Variants in FARSB observed in about 807,000 individuals in gnomAD.
FARSB encodes the protein phenylalanine--tRNA ligase beta subunit.
In FARSB, 40 loss-of-function variants were observed where a neutral mutation model predicts 69.6. That is an observed-to-expected ratio of 0.57 (90% CI 0.45 to 0.75). The LOEUF is 0.75. FARSB is among the 30% of genes least tolerant of loss of function. FARSB has a pLI of 0.00. For missense variants in FARSB, 632 were observed against 722.9 expected (o/e 0.87, Z 1.44); for synonymous variants, 235 against 247.2 (o/e 0.95, Z 0.46).
At chr2:222,608,570 GAACAAGAATCTTAAACATATATTGTGACT>G (rs1690765738) in intron 15 of FARSB, among the ~76,000 whole-genome samples, 1 of 151,880 alleles carries the variant, frequency 6.6e-6, no homozygotes, top group Non-Finnish European at 1.5e-5. Flanking sequence ...GAGGAGAAAG[GAACAAGAATCTTAAACATATATTGTGACT>G]AAAGTTTAAA....
intron 3 of FARSB, 30 bp downstream of exon 3, chr2:222,642,813 CCAACTTAG>C: frequency 1.3e-6 from 2 of 1,490,244 alleles, no homozygotes; most frequent in Non-Finnish European, 1.8e-6. Flanking sequence ...AAAAGAAAAC[CCAACTTAG>C]CAAAGTCTTT....
chr2:222,624,989 T>G (rs1314561937), intron 10 of FARSB, among the ~76,000 whole-genome samples: 1 of 152,216 alleles, frequency 6.6e-6, no homozygotes, highest in Non-Finnish European at 1.5e-5. Flanking sequence ...GCTAGACAGT[T>G]TGCACTGCCT....
At chr2:222,573,225 G>C (rs1016923446) in intron 16 of FARSB, among the ~76,000 whole-genome samples, 1 of 151,882 alleles carries the variant, frequency 6.6e-6, no homozygotes, top group African/African-American at 2.4e-5. Flanking sequence ...TATATTTCTG[G>C]GGAAAGAGCT....
chr2:222,629,024 T>G, intron 9 of FARSB, 136 bp from the exon 10 acceptor site: 1 of 649,720 alleles, frequency 1.5e-6, no homozygotes, highest in Non-Finnish European at 2.7e-6. Flanking sequence ...ATTCCAGCAC[T>G]GTTTGGATTG....
rs1363158413 is a variant in FARSB at position 222,572,010 on chromosome 2, A to G, written c.1631T>C (p.Phe544Ser). 6.2e-7 allele frequency: 1 copy of G among 1,610,820 alleles called. No homozygotes were observed. Among genetic ancestry groups the G allele is most frequent in the Non-Finnish European group, 8.5e-7 (1 of 1,179,180 alleles). Reference protein sequence around the residue: ...VIKASEGPAFFPGRCAEIFAR... With the variant: ...VIKASEGPAFSPGRCAEIFAR... ...AAAGATCTCTGCACATCGCCCGGGG[A>G]AGAAAGCAGGCCCTGAAAAAGAGAA... Residue 544 changes from phenylalanine to serine, a missense_variant, in exon 17 of 17, where the codon TTC becomes TCC. Phe to Ser is a radical substitution (Grantham distance 155). Transcript: ENST00000281828.
intron 16 of FARSB, among the ~76,000 whole-genome samples, chr2:222,593,604 G>A (rs780185158): frequency 4.0e-4 from 61 of 152,230 alleles, no homozygotes; most frequent in Non-Finnish European, 6.6e-4. Context: ...AAGACTAGGC[G>A]TGGTGGCTCA....
intron 13 of FARSB, among the ~76,000 whole-genome samples, chr2:222,622,450 T>C (rs1331570288): frequency 3.3e-5 from 5 of 152,234 alleles, no homozygotes. Context: ...AGAACTGTTA[T>C]GGTTTAATCT....
chr2:222,614,525 A>T lies in FARSB; in HGVS notation c.1345-597T>A, dbSNP rs183178428. ...TCATTTCACAAAGTAATTGAAATAGACTACAAGAAATACAAATGTTTAAAT... is the reference window on the plus strand; with the variant it reads ...TCATTTCACAAAGTAATTGAAATAGTCTACAAGAAATACAAATGTTTAAAT... On this transcript the variant is annotated intron_variant, in intron 14 of 16. Transcript: ENST00000281828. Among the ~76,000 whole-genome samples the T allele has an allele frequency of 2.0e-4, 30 of 152,362 alleles. No individual in the cohort carries two copies. The East Asian group carries it at 2.7e-3, about 14-fold the overall frequency.
rs540862342 is a variant in FARSB at position 222,631,732 on chromosome 2, C to G, written c.716-58G>C. On this transcript the variant is annotated intron_variant, in intron 7 of 16. Coordinates refer to ENST00000281828, the MANE Select transcript of FARSB (RefSeq NM_005687.5). ...AACTAATTTCAGAAATAGAAGTGCA[C>G]TATTAAGCTCAACAAAACAGAAACT... 53 of 940,104 alleles carry G rather than the reference C, an allele frequency of 5.6e-5. No homozygotes were observed. The African/African-American group carries it at 8.6e-4, about 15-fold the overall frequency. 58.2% of individuals were successfully genotyped at this position (940,104 alleles called of 1,614,324 possible).
At chr2:222,635,021 T>C (rs1691543877) in intron 5 of FARSB, among the ~76,000 whole-genome samples, 1 of 152,184 alleles carries the variant, frequency 6.6e-6, no homozygotes, top group Non-Finnish European at 1.5e-5. Context: ...TGGAAAAAAT[T>C]TAATTTTAAT....
intron 16 of FARSB, among the ~76,000 whole-genome samples, chr2:222,586,624 CAG>C (rs1690119469): frequency 6.6e-6 from 1 of 152,018 alleles, no homozygotes; most frequent in African/African-American, 2.4e-5. Context: ...ATCTCACATG[CAG>C]AGATACACAC....
chr2:222,616,754 G>A (rs1003526323), intron 14 of FARSB, among the ~76,000 whole-genome samples: 2 of 152,096 alleles, frequency 1.3e-5, no homozygotes, highest in Admixed American at 6.5e-5. Flanking sequence ...TATCAAAAAA[G>A]AGCCCAAAGT....
chr2:222,597,899 A>C (rs1690462177), intron 16 of FARSB, among the ~76,000 whole-genome samples: 1 of 152,184 alleles, frequency 6.6e-6, no homozygotes, highest in African/African-American at 2.4e-5. Context: ...GAAAAAAAAG[A>C]AGCTTTAATG....
intron 15 of FARSB, among the ~76,000 whole-genome samples, chr2:222,604,744 T>TTTTTTTTTTTTAGTAGA (rs1690656330): frequency 6.8e-6 from 1 of 148,064 alleles, no homozygotes; most frequent in Non-Finnish European, 1.5e-5. Flanking sequence ...TTTTTTTTTT[T>TTTTTTTTTTTTAGTAGA]GTATTTTCAG....
Position 222,624,413 on chromosome 2 carries a change from A to G in FARSB, c.1029T>C (p.Asp343=). Reference sequence around the variant, plus strand: ...GGATTTCAATCTCAATCTGATTCCCATCACCTATGACTTCTGATTTTAAAT... The same window carrying G: ...GGATTTCAATCTCAATCTGATTCCCGTCACCTATGACTTCTGATTTTAAAT... ...RMYLKSEVIG[D]GNQIEIEIPP... Residue 343 remains aspartate (D), a synonymous_variant, in exon 12 of 17, where the codon GAT becomes GAC. Coordinates refer to ENST00000281828, the MANE Select transcript of FARSB (RefSeq NM_005687.5). 6.2e-7 allele frequency: 1 copy of G among 1,613,114 alleles called. No individual in the cohort carries two copies. Among genetic ancestry groups the G allele is most frequent in the African/African-American group, 1.3e-5 (1 of 75,034 alleles).
In FARSB at chr2:222,607,345, C is replaced by T. The variant is rs923135384; in HGVS notation, c.1462+6466G>A. On this transcript the variant is annotated intron_variant, in intron 15 of 16. Coordinates refer to ENST00000281828, the MANE Select transcript of FARSB (RefSeq NM_005687.5). ...GTACAAGGACATTTCTTGCAACAGACATAGTTTAGCAAAAGTTTGGTAAAA... is the reference window on the plus strand; with the variant it reads ...GTACAAGGACATTTCTTGCAACAGATATAGTTTAGCAAAAGTTTGGTAAAA... Among the ~76,000 whole-genome samples, 4 of 152,190 alleles carry T rather than the reference C, an allele frequency of 2.6e-5. No individual in the cohort carries two copies. In the East Asian group the frequency reaches 7.7e-4, roughly 29 times the overall value.
In FARSB at chr2:222,570,231, T is replaced by C. The variant is rs945044184; in HGVS notation, c.*1640A>G. On this transcript the variant is annotated 3_prime_UTR_variant, in exon 17 of 17. Coordinates refer to ENST00000281828, the MANE Select transcript of FARSB (RefSeq NM_005687.5). Reference sequence around the variant, plus strand: ...ATTTTTAAAAAACAGTTGTTTTATTTTTACTATTAAGTTTTATTATTAAGT... The same window carrying C: ...ATTTTTAAAAAACAGTTGTTTTATTCTTACTATTAAGTTTTATTATTAAGT... 6.6e-6 allele frequency among the ~76,000 whole-genome samples: 1 copy of C among 152,254 alleles called. No homozygotes were observed.
chr2:222,577,869 C>T (rs1386079997), intron 16 of FARSB, among the ~76,000 whole-genome samples: 2 of 152,074 alleles, frequency 1.3e-5, no homozygotes, highest in Non-Finnish European at 2.9e-5. Flanking sequence ...AGAAAATGCT[C>T]GGGAAACGTT....
chr2:222,606,342 A>G (rs1336479824), intron 15 of FARSB, among the ~76,000 whole-genome samples: 1 of 149,224 alleles, frequency 6.7e-6, no homozygotes, highest in East Asian at 2.4e-4. Context: ...TGTTGCACTA[A>G]GAGACCATAC....
Sources: gnomAD v4.1 joint callset for allele counts (sites outside exome capture counted in the v4.1 genomes callset) on GRCh38, gnomAD v4.1.1 for gene constraint, MANE v1.5 for transcripts, NCBI Gene and HGNC (gene_info 2026-07-23, HGNC 2026-07-21) for gene names.